Variants in ZBTB37 observed in about 807,000 individuals in gnomAD.
ZBTB37 encodes zinc finger and BTB domain-containing protein 37.
A neutral mutation model predicts 37.7 loss-of-function variants in ZBTB37; 15 were observed. That is an observed-to-expected ratio of 0.40 (90% CI 0.27 to 0.61). The LOEUF is 0.61. ZBTB37 is among the 20% of genes least tolerant of loss of function. The probability of loss-of-function intolerance (pLI) is 0.44; values close to 1 mark genes in which losing one functional copy is unlikely to be tolerated. For missense variants in ZBTB37, 514 were observed against 641.9 expected (o/e 0.80, Z 2.15); for synonymous variants, 231 against 220.6 (o/e 1.05, Z -0.42).
At chr1:173,882,661 T>C (rs569340805) in intron 4 of ZBTB37, among the ~76,000 whole-genome samples, 75 of 152,342 alleles carry the variant, frequency 4.9e-4, no homozygotes, top group Non-Finnish European at 6.9e-4. Context: ...CCCATGCCCA[T>C]GCCCTGAATG....
rs1052154723 is a variant in ZBTB37 at position 173,882,529 on chromosome 1, T to C, written c.1024-3107T>C. Among the ~76,000 whole-genome samples, 25 of 152,176 alleles carry C rather than the reference T, an allele frequency of 1.6e-4. 1 individual carries two copies. Among genetic ancestry groups the C allele is most frequent in the Non-Finnish European group, 2.5e-4 (17 of 67,974 alleles). On this transcript the variant is annotated intron_variant, in intron 4 of 4. Transcript: ENST00000427304. ...TGCTAGGATTACAGGCATGAGCCAC[T>C]GTGCCCAGCCCTGATGGTAGTTTCT...
At chr1:173,892,140 T>C (rs529346325) in exon 4 of ZBTB37, 1 of 152,262 alleles carries the variant, frequency 6.6e-6, no homozygotes, top group East Asian at 1.9e-4. Context: ...GATTTTGGAG[T>C]ATTACTTTTC....
intron 4 of ZBTB37, among the ~76,000 whole-genome samples, chr1:173,881,601 T>C (rs951238701): frequency 1.8e-4 from 27 of 152,200 alleles, no homozygotes; most frequent in Non-Finnish European, 2.6e-4. Context: ...TTTCTCCACA[T>C]CCTCTCCAGC....
At chr1:173,869,353 A>G (rs951000099) in intron 2 of ZBTB37, among the ~76,000 whole-genome samples, 6 of 128,702 alleles carry the variant, frequency 4.7e-5, no homozygotes, top group African/African-American at 1.5e-4. Flanking sequence ...ACTTTCAACT[A>G]TCTTGTATAC....
At chr1:173,889,296 T>C (rs1196120315), downstream of ZBTB37, 1 of 152,270 alleles carries the variant, frequency 6.6e-6, no homozygotes, top group Non-Finnish European at 1.5e-5. Flanking sequence ...TGAACAGCTA[T>C]TGGTGTATGC....
At chr1:173,886,985 T>C (rs147566783), downstream of ZBTB37, 2 of 152,338 alleles carry the variant, frequency 1.3e-5, no homozygotes, top group East Asian at 3.9e-4. Flanking sequence ...GTAATGGCTC[T>C]AGTTCAGGTG....
chr1:173,889,333 TA>T (rs1253612124), downstream of ZBTB37: 2 of 152,258 alleles, frequency 1.3e-5, no homozygotes, highest in African/African-American at 4.8e-5. Context: ...AAGGATGTAC[TA>T]AATGGACTTT....
At chr1:173,895,110 G>C (rs990009400) in exon 4 of ZBTB37, 1 of 152,022 alleles carries the variant, frequency 6.6e-6, no homozygotes, top group African/African-American at 2.4e-5. Flanking sequence ...TTTTTTGTTT[G>C]TTTTTTGTTT....
chr1:173,885,518 A>G (rs1656573005), intron 4 of ZBTB37, 118 bp from the exon 5 acceptor site: 1 of 869,558 alleles, frequency 1.2e-6, no homozygotes, highest in Non-Finnish European at 1.7e-6. Context: ...TTTCTGTTTG[A>G]TCCGCCACTA....
chr1:173,877,451 GT>G (rs1484024018), intron 4 of ZBTB37, among the ~76,000 whole-genome samples: 2 of 138,836 alleles, frequency 1.4e-5, no homozygotes, highest in African/African-American at 5.2e-5. Flanking sequence ...GTATGATCAT[GT>G]CTCACTGCAG....
intron 4 of ZBTB37, among the ~76,000 whole-genome samples, chr1:173,877,373 CTTT>C (rs58043559): frequency 2.6e-4 from 23 of 87,794 alleles, no homozygotes; most frequent in African/African-American, 3.9e-4. Context: ...GATTTTCTTT[CTTT>C]TTTTTTTTTT....
At chr1:173,887,919 G>A (rs577021330), downstream of ZBTB37, 1 of 152,306 alleles carries the variant, frequency 6.6e-6, no homozygotes, top group East Asian at 1.9e-4. Flanking sequence ...TAAGAAATTA[G>A]AATGCAAAGG....
downstream of ZBTB37, chr1:173,887,861 T>C (rs537130898): frequency 6.6e-6 from 1 of 152,284 alleles, no homozygotes; most frequent in Admixed American, 6.5e-5. Flanking sequence ...TGAGATTGCT[T>C]TGTGGTATGT....
downstream of ZBTB37, chr1:173,887,894 GAAAT>G (rs1656692521): frequency 6.6e-6 from 1 of 152,152 alleles, no homozygotes; most frequent in Non-Finnish European, 1.5e-5. Flanking sequence ...AGAAAAGAAA[GAAAT>G]CTCTTTGAGA....
chr1:173,884,101 A>G (rs1208122904), intron 4 of ZBTB37, among the ~76,000 whole-genome samples: 1 of 151,930 alleles, frequency 6.6e-6, no homozygotes, highest in Non-Finnish European at 1.5e-5. Flanking sequence ...ATAATTTCTG[A>G]TTGATTTTTT....
exon 4 of ZBTB37, chr1:173,900,092 G>A (rs1378043158): frequency 6.6e-6 from 1 of 152,134 alleles, no homozygotes; most frequent in Non-Finnish European, 1.5e-5. Context: ...AAATAAACAG[G>A]TGGCATTGTT....
chr1:173,885,713 C>G (rs1236751131), exon 5 of ZBTB37: 1 of 1,551,622 alleles, frequency 6.4e-7, no homozygotes, highest in Non-Finnish European at 8.7e-7. Flanking sequence ...AGCGGTGGTT[C>G]CGGTACAACC....
At chr1:173,887,019 C>G (rs750765067), downstream of ZBTB37, 3 of 152,156 alleles carry the variant, frequency 2.0e-5, no homozygotes, top group Non-Finnish European at 2.9e-5. Flanking sequence ...GGCTGACTAC[C>G]AAAGTTTCAT....
At chr1:173,886,272 A>G (rs1402380968) in exon 5 of ZBTB37, 1 of 1,288,238 alleles carries the variant, frequency 7.8e-7, no homozygotes, top group Non-Finnish European at 1.0e-6. Flanking sequence ...GAGGATCAGC[A>G]ACTTACACAA....
Sources: allele counts gnomAD v4.1 joint callset (sites outside exome capture counted in the v4.1 genomes callset), GRCh38; gene constraint gnomAD v4.1.1; transcripts MANE v1.5; gene names NCBI Gene and HGNC (gene_info 2026-07-23, HGNC 2026-07-21).